Variants in ODAD2 observed in about 807,000 individuals in gnomAD.
ODAD2 encodes the protein outer dynein arm-docking complex subunit 2.
ODAD2 carries 89 observed loss-of-function variants against 106.8 expected under a neutral mutation model. The observed-to-expected ratio is 0.83, with a 90% CI of 0.70 to 0.99. The LOEUF is 0.99. ODAD2 is among the 50% of genes least tolerant of loss of function. The pLI, the probability that ODAD2 is intolerant of heterozygous loss-of-function variation, is 0.00. For missense variants in ODAD2, 1,168 were observed against 1,238.5 expected, an observed-to-expected ratio of 0.94 and a Z score of 0.85; for synonymous variants, 404 against 436.2, an observed-to-expected ratio of 0.93 and a Z score of 0.92.
At chr10:27,877,724 C>A (rs1321090189) in intron 17 of ODAD2, among the ~76,000 whole-genome samples, 1 of 152,136 alleles carries the variant, frequency 6.6e-6, no homozygotes, top group Non-Finnish European at 1.5e-5. Flanking sequence ...CTAGTCGTTG[C>A]CAGTTTCACC....
At chr10:27,904,392 C>T (rs1843435337) in intron 17 of ODAD2, 1 of 173,782 alleles carries the variant, frequency 5.8e-6, no homozygotes, top group Non-Finnish European at 1.3e-5. Context: ...ATGAGAATTG[C>T]TTAAGCCCAG....
At position 27,972,420 on chromosome 10, in the gene ODAD2, A is replaced by G. The variant is rs181360262; in HGVS notation, c.937-1107T>C. Among the ~76,000 whole-genome samples, 3 of 152,326 alleles carry G rather than the reference A, an allele frequency of 2.0e-5. No individual in the cohort carries two copies. The East Asian group carries it at 5.8e-4, about 29-fold the overall frequency. Reference sequence around the variant, plus strand: ...ACAAGTAGCAAGATAGTAAATTTAAATTTAACTATATTAGTAGTTACATCA... The same window carrying G: ...ACAAGTAGCAAGATAGTAAATTTAAGTTTAACTATATTAGTAGTTACATCA... On this transcript the variant is annotated intron_variant, in intron 7 of 19. Transcript: ENST00000305242.
At chr10:27,876,693 G>T (rs1166982951) in intron 17 of ODAD2, among the ~76,000 whole-genome samples, 2 of 152,204 alleles carry the variant, frequency 1.3e-5, no homozygotes, top group Non-Finnish European at 2.9e-5. Context: ...ATAGGCAGGA[G>T]TCATCACAGG....
intron 17 of ODAD2, among the ~76,000 whole-genome samples, chr10:27,870,173 A>T (rs980922151): frequency 7.9e-5 from 12 of 152,086 alleles, no homozygotes; most frequent in African/African-American, 2.9e-4. Context: ...TTTTCTTCAG[A>T]ATAATCATTA....
intron 16 of ODAD2, among the ~76,000 whole-genome samples, chr10:27,908,157 C>A (rs1175606019): frequency 6.6e-6 from 1 of 152,084 alleles, no homozygotes; most frequent in Non-Finnish European, 1.5e-5. Flanking sequence ...TGTGCAGTTA[C>A]CTTTTTTATT....
At chr10:27,961,511 C>G in intron 10 of ODAD2, 57 bp downstream of exon 10, 1 of 1,490,760 alleles carries the variant, frequency 6.7e-7, no homozygotes, top group Non-Finnish European at 9.2e-7. Flanking sequence ...GCATATACAT[C>G]TTTGGGAAAG....
At chr10:27,852,626 A>T (rs747755003) in intron 19 of ODAD2, among the ~76,000 whole-genome samples, 69 of 152,342 alleles carry the variant, frequency 4.5e-4, no homozygotes, top group Admixed American at 1.6e-3. Context: ...GAGAAAAAGC[A>T]GATGGGAAAA....
At chr10:27,874,185 C>CT (rs528909671) in intron 17 of ODAD2, among the ~76,000 whole-genome samples, 136 of 151,976 alleles carry the variant, frequency 8.9e-4, no homozygotes, top group African/African-American at 3.2e-3. Flanking sequence ...CAACCCCTGC[C>CT]TTTTTTGTTT....
chr10:27,969,888 T>C (rs1426933136), intron 8 of ODAD2, among the ~76,000 whole-genome samples: 2 of 152,146 alleles, frequency 1.3e-5, no homozygotes, highest in East Asian at 1.9e-4. Flanking sequence ...GGCGGATTAC[T>C]TGAGCTCAGG....
At chr10:27,842,722 ATGAT>A (rs1838403060) in intron 19 of ODAD2, among the ~76,000 whole-genome samples, 2 of 152,370 alleles carry the variant, frequency 1.3e-5, no homozygotes, top group South Asian at 4.1e-4. Context: ...GTCAAGTCAG[ATGAT>A]TGATTAAAAT....
At chr10:27,829,988 T>A (rs574655489) in intron 19 of ODAD2, among the ~76,000 whole-genome samples, 3 of 152,152 alleles carry the variant, frequency 2.0e-5, no homozygotes, top group African/African-American at 7.2e-5. Flanking sequence ...AGACAAAACT[T>A]AATTCTTCTA....
intron 19 of ODAD2, among the ~76,000 whole-genome samples, chr10:27,814,449 T>A (rs1835971917): frequency 6.6e-6 from 1 of 152,240 alleles, no homozygotes; most frequent in Non-Finnish European, 1.5e-5. Context: ...ATTGGGTCAC[T>A]GAAGGATGTC....
intron 2 of ODAD2, among the ~76,000 whole-genome samples, chr10:27,993,972 A>ATGTGTGTGTGTGTG (rs777033435): frequency 3.3e-5 from 3 of 92,100 alleles, no homozygotes; most frequent in African/African-American, 9.4e-5. Context: ...ATATATATAT[A>ATGTGTGTGTGTGTG]TATGTGTGTG....
In ODAD2 at chr10:27,869,696, G is replaced by T. The variant is rs56352562; in HGVS notation, c.2611-7074C>A. The stretch of plus-strand genomic sequence containing the variant: ...ATTACAGGTGCATGCCACCATGTCC[G>T]GCTAATTTTTGTATTTTTAGTAGTG... On this transcript the variant is annotated intron_variant, in intron 17 of 19. Transcript: ENST00000305242. Among the ~76,000 whole-genome samples, 4 of 151,834 alleles carry T rather than the reference G, an allele frequency of 2.6e-5. No individual in the cohort carries two copies. In the East Asian group the frequency reaches 7.8e-4, roughly 29 times the overall value.
chr10:27,882,502 A>T (rs1841813981), intron 17 of ODAD2, among the ~76,000 whole-genome samples: 1 of 152,222 alleles, frequency 6.6e-6, no homozygotes, highest in Non-Finnish European at 1.5e-5. Context: ...CTTATCCTCC[A>T]TAACAAAAAG....
intron 17 of ODAD2, among the ~76,000 whole-genome samples, chr10:27,883,710 T>C (rs1349125909): frequency 1.3e-5 from 2 of 152,102 alleles, no homozygotes; most frequent in African/African-American, 4.8e-5. Flanking sequence ...GAGAATTAAA[T>C]TGTGTTAAAA....
chr10:27,844,650 C>T (rs573029783), intron 19 of ODAD2, among the ~76,000 whole-genome samples: 1 of 152,168 alleles, frequency 6.6e-6, no homozygotes, highest in African/African-American at 2.4e-5. Context: ...AATAAGTTTC[C>T]AACTCAATAG....
At chr10:27,876,594 T>G (rs1416529650) in intron 17 of ODAD2, among the ~76,000 whole-genome samples, 2 of 152,198 alleles carry the variant, frequency 1.3e-5, no homozygotes, top group Non-Finnish European at 2.9e-5. Flanking sequence ...CAACTTTTAA[T>G]AGCAGCCAAT....
At chr10:27,974,522 T>TA (rs1458700820) in intron 7 of ODAD2, among the ~76,000 whole-genome samples, 1 of 152,106 alleles carries the variant, frequency 6.6e-6, no homozygotes, top group South Asian at 2.1e-4. Context: ...AGCTTTGCTG[T>TA]AGATCAGATG....
Sources: gnomAD v4.1 joint callset for allele counts (sites outside exome capture counted in the v4.1 genomes callset) on GRCh38, gnomAD v4.1.1 for gene constraint, MANE v1.5 for transcripts, NCBI Gene and HGNC (gene_info 2026-07-23, HGNC 2026-07-21) for gene names.